CDKL2: variants seen among roughly 807,000 people sequenced by gnomAD.
CDKL2 encodes the protein cyclin dependent kinase like 2, also known as cyclin-dependent kinase-like 2.
A neutral mutation model predicts 63.9 loss-of-function variants in CDKL2; 64 were observed. The observed-to-expected ratio is 1.00, with a 90% CI of 0.82 to 1.23. CDKL2 has a LOEUF of 1.23. Among genes scored for constraint, CDKL2 ranks in the 50% most tolerant of loss-of-function variants. The probability of loss-of-function intolerance (pLI) is 0.00; values close to 1 mark genes in which losing one functional copy is unlikely to be tolerated. For synonymous variants in CDKL2, 211 were observed against 229.2 expected, an observed-to-expected ratio of 0.92 and a Z score of 0.72; for missense variants, 656 against 668.0, an observed-to-expected ratio of 0.98 and a Z score of 0.20.
At chr4:75,604,915 C>T (rs1433117813) in intron 5 of CDKL2, among the ~76,000 whole-genome samples, 3 of 152,178 alleles carry the variant, frequency 2.0e-5, no homozygotes, top group Non-Finnish European at 4.4e-5. Context: ...GCAGGAGAAT[C>T]GCTTGAACCT....
chr4:75,613,563 C>T (rs1475308827), intron 3 of CDKL2, among the ~76,000 whole-genome samples: 3 of 152,068 alleles, frequency 2.0e-5, no homozygotes, highest in Non-Finnish European at 4.4e-5. Flanking sequence ...CTTGTAAGTG[C>T]TTTTATATGA....
intron 12 of CDKL2, among the ~76,000 whole-genome samples, chr4:75,585,003 T>G (rs562028428): frequency 6.6e-6 from 1 of 152,064 alleles, no homozygotes; most frequent in Non-Finnish European, 1.5e-5. Context: ...ACTGACAGAA[T>G]GTATACAAAG....
intron 3 of CDKL2, among the ~76,000 whole-genome samples, chr4:75,607,575 A>T (rs1331519200): frequency 1.3e-5 from 2 of 152,176 alleles, no homozygotes; most frequent in African/African-American, 4.8e-5. Flanking sequence ...TGGATAAAAT[A>T]TATTTTTTCA....
At chr4:75,595,206 T>C (rs1427554402) in intron 10 of CDKL2, among the ~76,000 whole-genome samples, 1 of 147,574 alleles carries the variant, frequency 6.8e-6, no homozygotes, top group African/African-American at 2.5e-5. Flanking sequence ...CTTTCTTCTT[T>C]TTTTTTTTTT....
chr4:75,614,465 G>A lies in CDKL2; in HGVS notation c.169-16C>T. 2 of 1,497,518 alleles carry A rather than the reference G, an allele frequency of 1.3e-6. No homozygotes were observed. Among genetic ancestry groups the A allele is most frequent in the South Asian group, 1.3e-5 (1 of 75,044 alleles). 92.8% of individuals were successfully genotyped at this position (1,497,518 alleles called of 1,614,324 possible). On this transcript the variant is annotated splice_polypyrimidine_tract_variant and intron_variant, in intron 2 of 13. Transcript: ENST00000307465. ...GCCTAAGTTGCTGTTATTAAAAAAT[G>A]CAAAATAGCTGTTATTTAAAAATGC...
rs1042825104 is a variant in CDKL2, at chr4:75,591,897, CTCTT to C, written c.1565_1568del (p.Lys522ArgfsTer98). The C allele has an allele frequency of 8.5e-6, 13 of 1,535,942 alleles. No homozygotes were observed. The highest frequency in any genetic ancestry group is 1.2e-5 in the South Asian group (1 of 84,066). ...TTCGAGATTCTGAAAGAATTTTGCT[CTCTT>C]TCTTTGTTAGCCTGGAATTTCGAGC... On this transcript the variant is annotated frameshift_variant, in exon 12 of 14. Coordinates refer to ENST00000307465, the MANE Select transcript of CDKL2 (RefSeq NM_001330724.2). LOFTEE classifies it high-confidence loss of function.
chr4:75,595,792 G>T (rs542896097), intron 10 of CDKL2, among the ~76,000 whole-genome samples: 1 of 151,948 alleles, frequency 6.6e-6, no homozygotes, highest in Non-Finnish European at 1.5e-5. Context: ...AGCTGGGTGC[G>T]GTGGCAGGCA....
chr4:75,578,841 CTTT>C lies in CDKL2; in HGVS notation c.*358_*360del. The C allele has an allele frequency of 6.5e-6, 1 of 152,676 alleles. No individual in the cohort carries two copies. Among genetic ancestry groups the C allele is most frequent in the East Asian group, 1.9e-4 (1 of 5,190 alleles). 9.5% of individuals were successfully genotyped at this position (152,676 alleles called of 1,614,324 possible). A position where few individuals can be genotyped will look rare whatever the true frequency, so the allele number is the denominator to read the frequency against. On this transcript the variant is annotated 3_prime_UTR_variant, in exon 14 of 14. Coordinates refer to ENST00000307465, the MANE Select transcript of CDKL2 (RefSeq NM_001330724.2). Reference sequence around the variant, plus strand: ...TTTTATAGTATTTCTCTCTGTCCCCCTTTTTTACACACTTTTAATCATGGTAAC... The same window carrying C: ...TTTTATAGTATTTCTCTCTGTCCCCCTTTACACACTTTTAATCATGGTAAC...
rs556009846 is a variant in CDKL2, at chr4:75,607,311, G to A, written c.414C>T (p.Gly138=). The A allele has an allele frequency of 6.3e-5, 102 of 1,613,980 alleles. 1 individual carries two copies. In the South Asian group the frequency reaches 9.1e-4, roughly 14 times the overall value. Residue 138 remains glycine (G), a synonymous_variant, in exon 4 of 14, where the codon GGC becomes GGT. Transcript: ENST00000307465. ...KPENILVSQS[G]VVKLCDFGFA... is the part of the protein sequence containing the mutation. ...ATCCAAAATCGCATAGCTTGACAAC[G>A]CCAGACTGGGAGACTAATATATTCT...
chr4:75,621,693 A>T (rs1730165368), intron 2 of CDKL2, among the ~76,000 whole-genome samples: 1 of 152,138 alleles, frequency 6.6e-6, no homozygotes. Context: ...ACGCTATCGC[A>T]CCGAGCTTGA....
In CDKL2 at chr4:75,577,519, C is replaced by T. The variant is rs1728074700; in HGVS notation, c.*1683G>A. On this transcript the variant is annotated 3_prime_UTR_variant, in exon 14 of 14. Transcript: ENST00000307465. ...TGCAAGGCAATTGATCCTAGAACCT[C>T]AACCATTGAGCTGATATTCTCACAC... 6.6e-6 allele frequency among the ~76,000 whole-genome samples: 1 copy of T among 152,136 alleles called. No homozygotes were observed. Among genetic ancestry groups the T allele is most frequent in the African/African-American group, 2.4e-5 (1 of 41,436 alleles).
chr4:75,595,569 T>C (rs1728877993), intron 10 of CDKL2, among the ~76,000 whole-genome samples: 1 of 152,098 alleles, frequency 6.6e-6, no homozygotes, highest in South Asian at 2.1e-4. Context: ...AATTTATCTT[T>C]TCATCTACTC....
At position 75,596,274 on chromosome 4, in the gene CDKL2, G is replaced by A. The variant is rs1181624741; in HGVS notation, c.1389C>T (p.Gly463=). 4.3e-6 allele frequency: 7 copies of A among 1,610,548 alleles called. No homozygotes were observed. The highest frequency in any genetic ancestry group is 3.3e-4 in the Middle Eastern group (2 of 6,082). The change falls in exon 10 of 14, where the codon GGC becomes GGT. Residue 463 remains glycine (G), a synonymous_variant. Transcript: ENST00000307465. ...ATGTGGTCACATTAATGTTATAAAT[G>A]CCTGATGGGGAATGTCTGTTCGGTT... is the stretch of plus-strand genomic sequence containing the variant. The part of the protein sequence containing the change: ...FVKPNRHSPS[G]IYNINVTTLV...
At chr4:75,593,886 A>G (rs1196001000) in intron 10 of CDKL2, among the ~76,000 whole-genome samples, 1 of 152,136 alleles carries the variant, frequency 6.6e-6, no homozygotes, top group East Asian at 1.9e-4. Flanking sequence ...AAACACACAC[A>G]CACAAGGAAT....
At chr4:75,580,794 G>A (rs1297973747) in intron 13 of CDKL2, among the ~76,000 whole-genome samples, 2 of 145,826 alleles carry the variant, frequency 1.4e-5, no homozygotes, top group Non-Finnish European at 3.0e-5. Context: ...TCCGCCTCCC[G>A]GGTTCACGCC....
At chr4:75,580,785 C>T (rs1728228952) in intron 13 of CDKL2, among the ~76,000 whole-genome samples, 2 of 148,800 alleles carry the variant, frequency 1.3e-5, no homozygotes, top group South Asian at 2.1e-4. Context: ...ACTGCAAGCT[C>T]CGCCTCCCGG....
intron 12 of CDKL2, among the ~76,000 whole-genome samples, chr4:75,589,982 C>CAAA (rs769808423): frequency 1.0e-5 from 1 of 99,668 alleles, no homozygotes; most frequent in Non-Finnish European, 2.1e-5. Flanking sequence ...ACCATGTGTC[C>CAAA]AAAAAAAAAA....
chr4:75,581,091 A>C (rs1728243154), intron 13 of CDKL2, among the ~76,000 whole-genome samples: 1 of 152,216 alleles, frequency 6.6e-6, no homozygotes, highest in Non-Finnish European at 1.5e-5. Context: ...AAATATTGCC[A>C]AGTATAATCA....
Position 75,604,070 on chromosome 4 carries a change from C to G in CDKL2, c.656-114G>C, listed in dbSNP as rs1192022480. 6 of 991,044 alleles carry G rather than the reference C, an allele frequency of 6.1e-6. No individual in the cohort carries two copies. In the African/African-American group the frequency reaches 6.5e-5, roughly 11 times the overall value. The allele number at this position is 991,044 out of a possible 1,614,324, so 61.4% of individuals were successfully genotyped here. A position where few individuals can be genotyped will look rare whatever the true frequency, so the allele number is the denominator to read the frequency against. On this transcript the variant is annotated intron_variant, in intron 5 of 13. Transcript: ENST00000307465. ...GGAACACAGCTTATGGAGTTTGGGG[C>G]TCTCTCAACATGCAAAATTGACCAA...
Sources: allele counts gnomAD v4.1 joint callset (sites outside exome capture counted in the v4.1 genomes callset), GRCh38; gene constraint gnomAD v4.1.1; transcripts MANE v1.5; gene names NCBI Gene and HGNC (gene_info 2026-07-23, HGNC 2026-07-21).